Variants in GBF1 observed in about 807,000 individuals in gnomAD.
GBF1 encodes Golgi-specific brefeldin A-resistance guanine nucleotide exchange factor 1.
A neutral mutation model predicts 210.5 loss-of-function variants in GBF1; 114 were observed. The ratio of observed to expected loss-of-function variants is 0.54; its 90% confidence interval spans 0.47 to 0.63. GBF1 has a LOEUF of 0.63. GBF1 is among the 30% of genes least tolerant of loss of function. The pLI, the probability that GBF1 is intolerant of heterozygous loss-of-function variation, is 0.00. For missense variants in GBF1, 1,851 were observed against 2,357.7 expected, an observed-to-expected ratio of 0.79 and a Z score of 4.45; for synonymous variants, 850 against 889.2, an observed-to-expected ratio of 0.96 and a Z score of 0.78.
chr10:102,309,965 T>G (rs899392351), intron 3 of GBF1, among the ~76,000 whole-genome samples: 4 of 152,236 alleles, frequency 2.6e-5, no homozygotes, highest in Non-Finnish European at 5.9e-5. Context: ...ATTTGTATAA[T>G]TTAGGGAAAA....
intron 3 of GBF1, among the ~76,000 whole-genome samples, chr10:102,286,194 G>GTTTTTTTTTTTTTTTTTT (rs55904022): frequency 2.4e-5 from 3 of 126,370 alleles, no homozygotes; most frequent in African/African-American, 1.0e-4. Flanking sequence ...AAGCATAAGG[G>GTTTTTTTTTTTTTTTTTT]TTTTTTTTTT....
At chr10:102,237,464 C>T in the GBF1 span, among the ~76,000 whole-genome samples, 68 of 152,116 alleles carry the variant, frequency 4.5e-4, 1 homozygote, top group Non-Finnish European at 8.7e-4. Context: ...CGAGTCAAAC[C>T]GAGGGGGCCT....
chr10:102,302,493 A>C (rs571681688), intron 3 of GBF1, among the ~76,000 whole-genome samples: 2 of 152,334 alleles, frequency 1.3e-5, no homozygotes, highest in East Asian at 3.9e-4. Flanking sequence ...CAATGGAAGG[A>C]ATTAAACTAA....
chr10:102,377,181 T>A (rs938142861), intron 33 of GBF1, 41 bp downstream of exon 33: 3 of 1,516,816 alleles, frequency 2.0e-6, no homozygotes, highest in Admixed American at 3.4e-5. Flanking sequence ...CCCCTGCACC[T>A]GATACTGGGA....
At chr10:102,317,491 G>A (rs754731882) in intron 3 of GBF1, among the ~76,000 whole-genome samples, 7 of 152,140 alleles carry the variant, frequency 4.6e-5, no homozygotes, top group Non-Finnish European at 7.4e-5. Context: ...GGTGGCACAT[G>A]CCTGTAATCC....
intron 3 of GBF1, among the ~76,000 whole-genome samples, chr10:102,268,903 T>C (rs1308306841): frequency 6.6e-6 from 1 of 152,204 alleles, no homozygotes; most frequent in Non-Finnish European, 1.5e-5. Flanking sequence ...AAAATGGAGA[T>C]AAGATCATTT....
intron 33 of GBF1, among the ~76,000 whole-genome samples, chr10:102,378,299 G>A (rs1189507316): frequency 6.6e-6 from 1 of 151,592 alleles, no homozygotes; most frequent in African/African-American, 2.4e-5. Flanking sequence ...CCCAATCAAA[G>A]CCTCTGAGCC....
intron 3 of GBF1, among the ~76,000 whole-genome samples, chr10:102,275,499 G>A (rs539580897): frequency 6.6e-6 from 1 of 152,254 alleles, no homozygotes; most frequent in East Asian, 1.9e-4. Flanking sequence ...GTAGAAAGAG[G>A]TGGTGAGGCA....
intron 4 of GBF1, 31 bp downstream of exon 4, chr10:102,344,213 A>C: frequency 3.7e-6 from 6 of 1,610,674 alleles, no homozygotes; most frequent in Non-Finnish European, 5.1e-6. Context: ...GCATGACCAC[A>C]GCACTTCATT....
chr10:102,294,844 G>A (rs1324512564), intron 3 of GBF1, among the ~76,000 whole-genome samples: 1 of 152,124 alleles, frequency 6.6e-6, no homozygotes, highest in Non-Finnish European at 1.5e-5. Context: ...GCCTAGATAT[G>A]TAGTAGGCTA....
intron 1 of GBF1, among the ~76,000 whole-genome samples, chr10:102,252,176 C>T (rs538797108): frequency 5.5e-4 from 83 of 151,966 alleles, no homozygotes; most frequent in African/African-American, 1.9e-3. Flanking sequence ...CTCATCTCTA[C>T]TAAAAATACA....
intron 3 of GBF1, among the ~76,000 whole-genome samples, chr10:102,319,112 T>G (rs2056136427): frequency 6.6e-6 from 1 of 152,172 alleles, no homozygotes; most frequent in African/African-American, 2.4e-5. Context: ...GGTCAGGAGA[T>G]CGTGACTATC....
chr10:102,327,296 G>A (rs1174431834), intron 3 of GBF1, among the ~76,000 whole-genome samples: 1 of 152,194 alleles, frequency 6.6e-6, no homozygotes, highest in African/African-American at 2.4e-5. Context: ...CCTTAGGGGA[G>A]GAAAATATAG....
chr10:102,300,491 G>A (rs896722612), intron 3 of GBF1, among the ~76,000 whole-genome samples: 1 of 152,236 alleles, frequency 6.6e-6, no homozygotes, highest in Non-Finnish European at 1.5e-5. Flanking sequence ...ATCAAGTGGG[G>A]TGGTGCTTTT....
chr10:102,362,606 G>A lies in GBF1; in HGVS notation c.1818G>A (p.Lys606=). 6 of 1,614,210 alleles carry A rather than the reference G, an allele frequency of 3.7e-6. No individual in the cohort carries two copies. The highest frequency in any genetic ancestry group is 5.1e-6 in the Non-Finnish European group (6 of 1,180,030). The change falls in exon 15 of 40, where the codon AAG becomes AAA. Residue 606 remains lysine (K), a synonymous_variant. Transcript: ENST00000369983. ...TCAACAGCCTCACCCAGCAAGAGAA[G>A]AAGGAGACAGCCAGACCAAGCTGTG... ...KVLNSLTQQE[K]KETARPSCEI... is the part of the protein sequence containing the mutation.
chr10:102,358,084 A>T lies in GBF1; in HGVS notation c.685A>T (p.Lys229Ter). 1 of 1,610,268 alleles carries T rather than the reference A, an allele frequency of 6.2e-7. No homozygotes were observed. The highest frequency in any genetic ancestry group is 8.5e-7 in the Non-Finnish European group (1 of 1,176,444). Residue 229 changes from lysine to a stop codon, truncating the protein, a stop_gained, in exon 9 of 40, where the codon AAA becomes TAA. Coordinates refer to ENST00000369983, the MANE Select transcript of GBF1 (RefSeq NM_001377137.1). LOFTEE classifies it high-confidence loss of function. ...GGMSDSSKWK[K>*]QKRSPRPPRH... ...CATGAGTGATTCATCCAAATGGAAGAAACAGAAGAGATCCCCTCGGCCCCC... is the reference window on the plus strand; with the variant it reads ...CATGAGTGATTCATCCAAATGGAAGTAACAGAAGAGATCCCCTCGGCCCCC...
intron 29 of GBF1, among the ~76,000 whole-genome samples, chr10:102,372,332 A>T (rs1384330128): frequency 6.6e-6 from 1 of 151,806 alleles, no homozygotes; most frequent in Non-Finnish European, 1.5e-5. Flanking sequence ...CCTGACCAAC[A>T]TGGAGAAACC....
intron 1 of GBF1, among the ~76,000 whole-genome samples, chr10:102,258,438 G>A (rs917984653): frequency 6.7e-6 from 1 of 149,366 alleles, no homozygotes; most frequent in African/African-American, 2.4e-5. Context: ...TTACAGGCCT[G>A]AGCCACTGCA....
intron 29 of GBF1, among the ~76,000 whole-genome samples, chr10:102,374,606 G>T (rs2060392418): frequency 1.3e-5 from 2 of 152,186 alleles, no homozygotes; most frequent in South Asian, 4.2e-4. Context: ...AAGGCAACAT[G>T]AGGGATACTG....
Sources: gnomAD v4.1 joint callset for allele counts (sites outside exome capture counted in the v4.1 genomes callset) on GRCh38, gnomAD v4.1.1 for gene constraint, MANE v1.5 for transcripts, NCBI Gene and HGNC (gene_info 2026-07-23, HGNC 2026-07-21) for gene names.